EPG5: variants seen among roughly 807,000 people sequenced by gnomAD.
EPG5 encodes the protein ectopic P granules protein 5 homolog.
A neutral mutation model predicts 302.7 loss-of-function variants in EPG5; 159 were observed. The observed-to-expected ratio is 0.53, with a 90% CI of 0.46 to 0.60. The LOEUF (loss-of-function observed/expected upper bound fraction) is 0.60. Ranked by LOEUF, EPG5 falls within the 20% of genes least tolerant of loss-of-function variation. The pLI, the probability that EPG5 is intolerant of heterozygous loss-of-function variation, is 0.00. For missense variants in EPG5, 2,896 were observed against 3,092.4 expected (o/e 0.94, Z 1.51); for synonymous variants, 1,158 against 1,136.8 (o/e 1.02, Z -0.37).
chr18:45,857,681 T>C, intron 42 of EPG5, 172 bp downstream of exon 42: 1 of 567,298 alleles, frequency 1.8e-6, no homozygotes. Flanking sequence ...CTTTTTAGAA[T>C]GTAAAGATGT....
At chr18:45,909,478 T>C (rs1442088803) in intron 23 of EPG5, among the ~76,000 whole-genome samples, 1 of 152,194 alleles carries the variant, frequency 6.6e-6, no homozygotes, top group Non-Finnish European at 1.5e-5. Context: ...GCCTCAGTGC[T>C]AGATGAAATG....
chr18:45,954,432 G>A lies in EPG5; in HGVS notation c.970C>T (p.Arg324Trp), dbSNP rs779260764. ...TGTTCCTCCTTAAACTGCCACAGCC[G>A]ACTTTTAGCATTTTGGCAATCAGAT... is the stretch of plus-strand genomic sequence containing the variant. ...LTSDCQNAKSRLWQFKEEQMS... is the reference protein window; with the variant it reads ...LTSDCQNAKSWLWQFKEEQMS... Residue 324 changes from arginine (R) to tryptophan (W), a missense_variant, in exon 2 of 44, where the codon CGG (arginine) becomes TGG (tryptophan). By Grantham distance (101) the Arg-to-Trp change is moderately radical (BLOSUM62 -3). Around this residue, in one of 5 missense-constraint regions of EPG5, gnomAD observed 1,390 missense variants for 1,430.0 expected, o/e 0.97. Transcript: ENST00000282041. 13 of 1,613,484 alleles carry A rather than the reference G, an allele frequency of 8.1e-6. No homozygotes were observed. The highest frequency in any genetic ancestry group is 4.4e-5 in the South Asian group (4 of 90,974).
At chr18:45,922,272 T>A in intron 16 of EPG5, 69 bp downstream of exon 16, 1 of 1,560,888 alleles carries the variant, frequency 6.4e-7, no homozygotes, top group Non-Finnish European at 8.7e-7. Flanking sequence ...GAACTTGGGA[T>A]ATGAAACATA....
At chr18:45,840,565 G>A in the EPG5 span, among the ~76,000 whole-genome samples, 1 of 152,170 alleles carries the variant, frequency 6.6e-6, no homozygotes, top group Non-Finnish European at 1.5e-5. Flanking sequence ...GTTCCCCCCT[G>A]GCACTCTGCT....
Position 45,878,320 on chromosome 18 carries a change from T to C in EPG5, c.5942+56A>G, listed in dbSNP as rs867318170. ...CTCATCACTTCTACCAAATACCATT[T>C]AGAATTTTAAGTCTACAAACGTCAA... On this transcript the variant is annotated intron_variant, in intron 34 of 43. Coordinates refer to ENST00000282041, the MANE Select transcript of EPG5 (RefSeq NM_020964.3). The C allele has an allele frequency of 2.4e-5, 28 of 1,180,744 alleles. 1 individual carries two copies. The Middle Eastern group carries it at 1.2e-3, about 49-fold the overall frequency. The allele number at this position is 1,180,744 out of a possible 1,614,324, so 73.1% of individuals were successfully genotyped here.
chr18:45,866,457 G>C (rs527826257), intron 38 of EPG5, among the ~76,000 whole-genome samples: 2 of 152,246 alleles, frequency 1.3e-5, no homozygotes, highest in African/African-American at 4.8e-5. Flanking sequence ...TGAGAAAACT[G>C]AGGGACTTGC....
the EPG5 span, chr18:45,839,239 A>G: frequency 8.4e-7 from 1 of 1,186,954 alleles, no homozygotes; most frequent in Non-Finnish European, 1.1e-6. Context: ...CTCTCTTTGC[A>G]TGAAGCCCAG....
chr18:45,925,851 C>T lies in EPG5; in HGVS notation c.2605G>A (p.Ala869Thr). The T allele has an allele frequency of 6.4e-7, 1 of 1,565,856 alleles. No homozygotes were observed. The highest frequency in any genetic ancestry group is 2.0e-5 in the Admixed American group (1 of 50,094). The part of the protein sequence containing the change: ...ELPLYLWQPS[A>T]SEIAVIRDWL... ...TCCCGAATCACCGCTATCTCAGATG[C>T]AGAAGGTTGCCAAAGATACAAAGGC... The change falls in exon 14 of 44, where the codon GCA (alanine) becomes ACA (threonine). Residue 869 changes from alanine to threonine, a missense_variant. Coordinates refer to ENST00000282041, the MANE Select transcript of EPG5 (RefSeq NM_020964.3).
the EPG5 span, chr18:45,837,500 GC>G: frequency 1.4e-6 from 2 of 1,477,226 alleles, no homozygotes; most frequent in Non-Finnish European, 1.8e-6. Context: ...GACGCAGCCC[GC>G]CCCGCCCTCA....
chr18:45,826,738 A>G, the EPG5 span, among the ~76,000 whole-genome samples: 1 of 152,182 alleles, frequency 6.6e-6, no homozygotes, highest in Non-Finnish European at 1.5e-5. Flanking sequence ...TAACTGGATG[A>G]TAAACTCCCA....
chr18:45,947,232 G>GT (rs1298846581), intron 6 of EPG5, among the ~76,000 whole-genome samples: 1 of 152,138 alleles, frequency 6.6e-6, no homozygotes, highest in Non-Finnish European at 1.5e-5. Flanking sequence ...GGCCGACATG[G>GT]TGAAACCCCG....
intron 31 of EPG5, among the ~76,000 whole-genome samples, chr18:45,880,737 C>A (rs2049079451): frequency 6.6e-6 from 1 of 152,166 alleles, no homozygotes; most frequent in South Asian, 2.1e-4. Context: ...CTGAACTAGT[C>A]CCAACTCTGC....
intron 1 of EPG5, among the ~76,000 whole-genome samples, chr18:45,961,615 C>T (rs896734443): frequency 2.0e-5 from 3 of 152,180 alleles, no homozygotes; most frequent in Admixed American, 1.3e-4. Context: ...AATCCCAGCA[C>T]TTTGGGAGGC....
chr18:45,870,099 A>G (rs1438742531), intron 36 of EPG5, among the ~76,000 whole-genome samples: 1 of 152,194 alleles, frequency 6.6e-6, no homozygotes, highest in African/African-American at 2.4e-5. Flanking sequence ...ATGATGCATC[A>G]TCGGTTGTCA....
intron 27 of EPG5, 91 bp downstream of exon 27, chr18:45,899,313 C>G: frequency 7.0e-7 from 1 of 1,420,398 alleles, no homozygotes; most frequent in Non-Finnish European, 9.8e-7. Context: ...AGACAGTGTG[C>G]TATATATGTC....
At chr18:45,826,072 T>C in the EPG5 span, among the ~76,000 whole-genome samples, 1 of 152,148 alleles carries the variant, frequency 6.6e-6, no homozygotes, top group African/African-American at 2.4e-5. Flanking sequence ...CAGAGGACAA[T>C]AGGCCAGGTA....
intron 27 of EPG5, among the ~76,000 whole-genome samples, chr18:45,897,804 T>G (rs1465165409): frequency 6.6e-6 from 1 of 152,172 alleles, no homozygotes; most frequent in Non-Finnish European, 1.5e-5. Flanking sequence ...GAGAAGACAT[T>G]TTGTAGAAAA....
At chr18:45,893,977 C>G (rs891357777) in intron 27 of EPG5, among the ~76,000 whole-genome samples, 1 of 152,112 alleles carries the variant, frequency 6.6e-6, no homozygotes, top group Non-Finnish European at 1.5e-5. Flanking sequence ...TCAAACACAT[C>G]CATTTTGCAG....
chr18:45,858,772 A>T lies in EPG5; in HGVS notation c.7020T>A (p.Asn2340Lys). 1 of 1,613,184 alleles carries T rather than the reference A, an allele frequency of 6.2e-7. No individual in the cohort carries two copies. Among genetic ancestry groups the T allele is most frequent in the South Asian group, 1.1e-5 (1 of 91,074 alleles). ...GAATGGGTCCCCATCCTGAATTCTG[A>T]TTGAGAGGGCCTAAGAACATGAAGA... ...ITAYFKESPL[N>K]QNSGWGPILV... is the part of the protein sequence containing the mutation. Residue 2340 changes from asparagine to lysine, a missense_variant, in exon 41 of 44, where the codon AAT (asparagine) becomes AAA (lysine). Asn to Lys is a moderately conservative substitution (Grantham distance 94, BLOSUM62 0). Around this residue, in one of 5 missense-constraint regions of EPG5, gnomAD observed 620 missense variants for 704.2 expected, o/e 0.88. Transcript: ENST00000282041.
Sources: gnomAD v4.1 joint callset for allele counts (sites outside exome capture counted in the v4.1 genomes callset) on GRCh38, gnomAD v4.1.1 for gene constraint, gnomAD v4.1.1 regional missense constraint, MANE v1.5 for transcripts, NCBI Gene and HGNC (gene_info 2026-07-23, HGNC 2026-07-21) for gene names.